The following SAMSN1 variants were observed in gnomAD, a reference collection of about 807,000 sequenced individuals.
The protein encoded by SAMSN1 is SAM domain, SH3 domain and nuclear localization signals 1.
A neutral mutation model predicts 42.0 loss-of-function variants in SAMSN1; 31 were observed. The ratio of observed to expected loss-of-function variants is 0.74; its 90% CI spans 0.55 to 1.00. SAMSN1 has a LOEUF of 1.00. Among genes scored for constraint, SAMSN1 ranks in the 50% least tolerant of loss-of-function variants. The probability of loss-of-function intolerance (pLI) is 0.00; values close to 1 mark genes in which losing one functional copy is unlikely to be tolerated. For synonymous variants in SAMSN1, 178 were observed against 151.9 expected, an observed-to-expected ratio of 1.17 and a Z score of -1.26; for missense variants, 464 against 439.4, an observed-to-expected ratio of 1.06 and a Z score of -0.50.
chr21:14,502,652 G>C (rs1987217474), intron 5 of SAMSN1, among the ~76,000 whole-genome samples: 2 of 152,146 alleles, frequency 1.3e-5, no homozygotes, highest in Admixed American at 6.5e-5. Flanking sequence ...GAGTCAAACT[G>C]TGTTGTGTTT....
At chr21:14,621,808 G>C (rs926288701) in intron 2 of SAMSN1, among the ~76,000 whole-genome samples, 1 of 152,228 alleles carries the variant, frequency 6.6e-6, no homozygotes, top group African/African-American at 2.4e-5. Flanking sequence ...AGAGATCTGA[G>C]AATGGACAGA....
intron 4 of SAMSN1, among the ~76,000 whole-genome samples, chr21:14,610,722 C>T (rs1982682032): frequency 6.6e-6 from 1 of 152,134 alleles, no homozygotes; most frequent in Non-Finnish European, 1.5e-5. Context: ...TAGAAAATAA[C>T]ACACGTTGAA....
intron 5 of SAMSN1, among the ~76,000 whole-genome samples, chr21:14,608,686 G>A (rs1982626332): frequency 6.6e-6 from 1 of 152,152 alleles, no homozygotes; most frequent in South Asian, 2.1e-4. Flanking sequence ...TTCTGCATAA[G>A]GAGAGGACAC....
intron 1 of SAMSN1, among the ~76,000 whole-genome samples, chr21:14,526,114 C>G (rs13050841): frequency 0.3 from 46,068 of 152,088 alleles, 7,835 homozygotes; most frequent in Non-Finnish European, 0.38. Context: ...GCAATTCGCC[C>G]GCCTTGGCCT....
chr21:14,563,028 T>C (rs1192407976), intron 2 of SAMSN1, among the ~76,000 whole-genome samples: 3 of 152,210 alleles, frequency 2.0e-5, no homozygotes, highest in Non-Finnish European at 4.4e-5. Context: ...AAATTGAGTA[T>C]GTTTTCAGTA....
chr21:14,587,525 A>G (rs1981953708), upstream of SAMSN1, among the ~76,000 whole-genome samples: 1 of 152,014 alleles, frequency 6.6e-6, no homozygotes, highest in South Asian at 2.1e-4. Flanking sequence ...CTTTTCTTGA[A>G]ATTAAATTTT....
intron 6 of SAMSN1, among the ~76,000 whole-genome samples, chr21:14,596,278 AGAG>A (rs368749576): frequency 6.6e-6 from 1 of 152,194 alleles, no homozygotes; most frequent in African/African-American, 2.4e-5. Context: ...CTACTATTAA[AGAG>A]GAGATTAGAT....
intron 1 of SAMSN1, among the ~76,000 whole-genome samples, chr21:14,536,200 G>T (rs963576168): frequency 1.3e-5 from 2 of 152,106 alleles, no homozygotes; most frequent in Non-Finnish European, 2.9e-5. Flanking sequence ...GATATGTAAA[G>T]CATGGACTTG....
upstream of SAMSN1, among the ~76,000 whole-genome samples, chr21:14,547,053 T>C (rs1193946527): frequency 6.6e-6 from 1 of 152,132 alleles, no homozygotes; most frequent in Non-Finnish European, 1.5e-5. Flanking sequence ...GAAGATAAAA[T>C]AAGTTAGAAC....
intron 2 of SAMSN1, among the ~76,000 whole-genome samples, chr21:14,634,133 C>T (rs1219417397): frequency 6.6e-6 from 1 of 151,832 alleles, no homozygotes; most frequent in South Asian, 2.1e-4. Context: ...AACTGGACCC[C>T]TTCCTTATAC....
At chr21:14,640,079 C>A (rs1983556943) in intron 2 of SAMSN1, among the ~76,000 whole-genome samples, 1 of 152,176 alleles carries the variant, frequency 6.6e-6, no homozygotes, top group Non-Finnish European at 1.5e-5. Flanking sequence ...ACTGGATCAT[C>A]TCCTTTGAGA....
chr21:14,575,853 A>G (rs554382914), intron 2 of SAMSN1, among the ~76,000 whole-genome samples: 1 of 152,134 alleles, frequency 6.6e-6, no homozygotes, highest in Non-Finnish European at 1.5e-5. Flanking sequence ...CTGTCTTTTT[A>G]CTGGTCCTCT....
In SAMSN1 at chr21:14,517,043, T is replaced by C. The variant is rs1287620198; in HGVS notation, c.130-2A>G. 6.3e-7 allele frequency: 1 copy of C among 1,599,278 alleles called. No individual in the cohort carries two copies. Among genetic ancestry groups the C allele is most frequent in the African/African-American group, 1.4e-5 (1 of 73,690 alleles). On this transcript the variant is annotated splice_acceptor_variant, in intron 2 of 7. Transcript: ENST00000400566. LOFTEE classifies it high-confidence loss of function. ...ATTTGTGGGATCTCCTTCATGTGCC[T>C]AGTTTAGAATTGTTTACAAAAGACA...
At chr21:14,631,243 T>A (rs747529514) in intron 2 of SAMSN1, among the ~76,000 whole-genome samples, 2 of 152,238 alleles carry the variant, frequency 1.3e-5, no homozygotes, top group Admixed American at 6.5e-5. Context: ...CACCTGCTAT[T>A]GATCATTTAC....
intron 4 of SAMSN1, among the ~76,000 whole-genome samples, chr21:14,611,472 G>T (rs1027668283): frequency 1.3e-5 from 2 of 152,178 alleles, no homozygotes; most frequent in Admixed American, 6.5e-5. Context: ...ATGCTGTGTT[G>T]TTTCTAAAGT....
intron 1 of SAMSN1, among the ~76,000 whole-genome samples, chr21:14,536,002 AATCACTTC>A (rs1229591269): frequency 6.6e-6 from 1 of 152,198 alleles, no homozygotes; most frequent in East Asian, 1.9e-4. Context: ...TCTATGCAAG[AATCACTTC>A]ATCTACCAAC....
chr21:14,577,240 A>G (rs8131615), intron 2 of SAMSN1, among the ~76,000 whole-genome samples: 458 of 11,574 alleles, frequency 0.04, 4 homozygotes, highest in Non-Finnish European at 0.049. Flanking sequence ...ATATGTGTGT[A>G]TATATATATA....
intron 2 of SAMSN1, among the ~76,000 whole-genome samples, chr21:14,569,011 G>T (rs920614426): frequency 6.6e-6 from 1 of 152,070 alleles, no homozygotes; most frequent in African/African-American, 2.4e-5. Flanking sequence ...CATTAAAAAG[G>T]CTAGGCATAG....
intron 2 of SAMSN1, among the ~76,000 whole-genome samples, chr21:14,631,752 C>G (rs1040688637): frequency 1.3e-5 from 2 of 152,156 alleles, no homozygotes; most frequent in African/African-American, 4.8e-5. Context: ...TTAGGAATTC[C>G]TCCTGGGGAT....
Sources: gnomAD v4.1 joint callset for allele counts (sites outside exome capture counted in the v4.1 genomes callset) on GRCh38, gnomAD v4.1.1 for gene constraint, MANE v1.5 for transcripts, NCBI Gene and HGNC (gene_info 2026-07-23, HGNC 2026-07-21) for gene names.